RCAN1: variants seen among roughly 807,000 people sequenced by gnomAD.
RCAN1 encodes the protein calcipressin-1.
In RCAN1, 11 loss-of-function variants were observed where a neutral mutation model predicts 22.9. The observed-to-expected ratio is 0.48, with a 90% CI of 0.30 to 0.79. RCAN1 has a LOEUF of 0.79. RCAN1 is among the 30% of genes least tolerant of loss of function. RCAN1 has a pLI of 0.06. For synonymous variants in RCAN1, 136 were observed against 142.3 expected, an observed-to-expected ratio of 0.96 and a Z score of 0.32; for missense variants, 291 against 337.8, an observed-to-expected ratio of 0.86 and a Z score of 1.09.
At chr21:34,571,514 C>T (rs1987233550) in intron 1 of RCAN1, among the ~76,000 whole-genome samples, 1 of 152,218 alleles carries the variant, frequency 6.6e-6, no homozygotes, top group African/African-American at 2.4e-5. Flanking sequence ...ATTTCCCTAA[C>T]AGTGTCAATC....
chr21:34,546,189 C>T (rs1568899670), intron 1 of RCAN1, among the ~76,000 whole-genome samples: 1 of 152,062 alleles, frequency 6.6e-6, no homozygotes, highest in Non-Finnish European at 1.5e-5. Context: ...TAGAAAATGG[C>T]GAGAAATCAC....
At chr21:34,550,325 C>T (rs1404410036) in intron 1 of RCAN1, among the ~76,000 whole-genome samples, 2 of 152,166 alleles carry the variant, frequency 1.3e-5, no homozygotes, top group Middle Eastern at 6.3e-3. Flanking sequence ...TTTGTTTTGG[C>T]TGAAATGAAC....
chr21:34,580,057 G>A (rs2123695895), intron 1 of RCAN1, among the ~76,000 whole-genome samples: 1 of 152,160 alleles, frequency 6.6e-6, no homozygotes, highest in East Asian at 1.9e-4. Flanking sequence ...GTGTCACAGT[G>A]CATTACTTTC....
chr21:34,608,310 G>A (rs912214538), intron 1 of RCAN1, among the ~76,000 whole-genome samples: 7 of 152,136 alleles, frequency 4.6e-5, no homozygotes, highest in South Asian at 2.1e-4. Context: ...GGATCCCCAC[G>A]TCCTGGTATT....
intron 1 of RCAN1, among the ~76,000 whole-genome samples, chr21:34,593,461 C>A (rs1308067152): frequency 1.3e-5 from 2 of 152,212 alleles, no homozygotes; most frequent in East Asian, 3.9e-4. Context: ...ATGACACAGG[C>A]AGAAGTGCCA....
chr21:34,554,946 G>T (rs56021297), intron 1 of RCAN1, among the ~76,000 whole-genome samples: 36,761 of 152,092 alleles, frequency 0.24, 5,181 homozygotes, highest in African/African-American at 0.39. Flanking sequence ...GCATGGGAAA[G>T]ACCTGCCCCC....
Position 34,593,262 on chromosome 21 carries a change from T to C in RCAN1, c.252+21498A>G, listed in dbSNP as rs1481330330. Among the ~76,000 whole-genome samples, 3 of 152,204 alleles carry C rather than the reference T, an allele frequency of 2.0e-5. No individual in the cohort carries two copies. The East Asian group carries it at 5.8e-4, about 29-fold the overall frequency. On this transcript the variant is annotated intron_variant, in intron 1 of 3. Coordinates refer to ENST00000313806, the MANE Select transcript of RCAN1 (RefSeq NM_004414.7). ...ACTTTTCATCAAAAATGTTCAAGTA[T>C]TGGCAATTTCATGTGTTTCAACATA... is the stretch of plus-strand genomic sequence containing the variant.
chr21:34,591,884 G>A (rs117012899), intron 1 of RCAN1, among the ~76,000 whole-genome samples: 1 of 152,186 alleles, frequency 6.6e-6, no homozygotes, highest in Admixed American at 6.5e-5. Flanking sequence ...GCTCTAAAAA[G>A]TGCCATCAAG....
At chr21:34,593,195 A>C (rs1326011388) in intron 1 of RCAN1, among the ~76,000 whole-genome samples, 1 of 152,238 alleles carries the variant, frequency 6.6e-6, no homozygotes, top group Non-Finnish European at 1.5e-5. Context: ...TCTTACAGGA[A>C]AAACCTGATC....
chr21:34,541,889 G>A (rs1213860348), intron 1 of RCAN1, among the ~76,000 whole-genome samples: 4 of 152,128 alleles, frequency 2.6e-5, no homozygotes, highest in African/African-American at 7.2e-5. Flanking sequence ...AGCTCAGATT[G>A]CGCCACTGCA....
chr21:34,523,695 G>A lies in RCAN1; in HGVS notation c.268C>T (p.Leu90Phe). Residue 90 changes from leucine to phenylalanine, a missense_variant, in exon 2 of 4, where the codon CTC becomes TTC. Leu to Phe is a conservative substitution (Grantham distance 22). Coordinates refer to ENST00000313806, the MANE Select transcript of RCAN1 (RefSeq NM_004414.7). Reference protein sequence around the residue: ...DGLCRAKFESLFRTYDKDITF... With the variant: ...DGLCRAKFESFFRTYDKDITF... ...ATGTCCTTGTCATACGTCCTAAAGA[G>A]GGACTCAAATTTGGCCTGAAAAATA... The A allele has an allele frequency of 6.2e-7, 1 of 1,612,106 alleles. No homozygotes were observed. Among genetic ancestry groups the A allele is most frequent in the Non-Finnish European group, 8.5e-7 (1 of 1,179,408 alleles).
At chr21:34,573,211 G>T (rs1383659988) in intron 1 of RCAN1, among the ~76,000 whole-genome samples, 1 of 152,160 alleles carries the variant, frequency 6.6e-6, no homozygotes, top group African/African-American at 2.4e-5. Flanking sequence ...ACCATTCTGG[G>T]ACCAAAAGTT....
chr21:34,539,231 A>T (rs966046481), intron 1 of RCAN1, among the ~76,000 whole-genome samples: 2 of 152,248 alleles, frequency 1.3e-5, no homozygotes, highest in African/African-American at 4.8e-5. Flanking sequence ...CTGCAAGGCA[A>T]ATAAAATATG....
intron 1 of RCAN1, among the ~76,000 whole-genome samples, chr21:34,590,192 C>T (rs543995555): frequency 2.6e-5 from 4 of 152,336 alleles, no homozygotes; most frequent in African/African-American, 4.8e-5. Flanking sequence ...ATCCTCAGAG[C>T]GGCCCTCCAG....
intron 1 of RCAN1, among the ~76,000 whole-genome samples, chr21:34,549,415 T>C (rs1481142456): frequency 6.6e-6 from 1 of 152,198 alleles, no homozygotes; most frequent in Admixed American, 6.5e-5. Flanking sequence ...TCAGGTGATG[T>C]TCTAATCTGC....
Position 34,614,185 on chromosome 21 carries a change from A to T in RCAN1, c.252+575T>A. The T allele has an allele frequency of 1.1e-6, 1 of 949,282 alleles. No homozygotes were observed. The highest frequency in any genetic ancestry group is 1.3e-6 in the Non-Finnish European group (1 of 785,820). 58.8% of individuals were successfully genotyped at this position (949,282 alleles called of 1,614,324 possible). On this transcript the variant is annotated intron_variant, in intron 1 of 3. Coordinates refer to ENST00000313806, the MANE Select transcript of RCAN1 (RefSeq NM_004414.7). The surrounding 1 kb of genome is among the most constrained non-coding windows in gnomAD (Gnocchi z 6.0). Reference sequence around the variant, plus strand: ...AAGGGGGCAAGGTTCTTGACTAAATATCCTAAAGGTCTGAAAGATGGTCCC... The same window carrying T: ...AAGGGGGCAAGGTTCTTGACTAAATTTCCTAAAGGTCTGAAAGATGGTCCC...
intron 1 of RCAN1, among the ~76,000 whole-genome samples, chr21:34,547,023 T>C (rs1986172456): frequency 1.3e-5 from 2 of 152,208 alleles, no homozygotes; most frequent in South Asian, 4.1e-4. Context: ...GCCCACACTT[T>C]TGCAAGGTCT....
chr21:34,568,695 C>T (rs1007117536), intron 1 of RCAN1, among the ~76,000 whole-genome samples: 2 of 152,198 alleles, frequency 1.3e-5, no homozygotes, highest in Non-Finnish European at 2.9e-5. Context: ...CAGCAGGCAG[C>T]GTGCACTTGG....
At chr21:34,525,050 G>T (rs764643432) in intron 1 of RCAN1, 1 of 1,549,714 alleles carries the variant, frequency 6.5e-7, no homozygotes. Flanking sequence ...GGCGCAGGGT[G>T]TGGATGGTAG....
Sources: allele counts gnomAD v4.1 joint callset (sites outside exome capture counted in the v4.1 genomes callset), GRCh38; gene constraint gnomAD v4.1.1; non-coding constraint Gnocchi (gnomAD v3.1); transcripts MANE v1.5; gene names NCBI Gene and HGNC (gene_info 2026-07-23, HGNC 2026-07-21).